The following LURAP1 variants were observed in gnomAD, a reference collection of about 807,000 sequenced individuals.
LURAP1 encodes NF-kappa-B activator C1orf190.
LURAP1 carries 14 observed loss-of-function variants against 19.0 expected under a neutral mutation model. The ratio of observed to expected loss-of-function variants is 0.74; its 90% CI spans 0.49 to 1.15. LURAP1 has a LOEUF of 1.15. Among genes scored for constraint, LURAP1 ranks in the 50% most tolerant of loss-of-function variants. The probability of loss-of-function intolerance (pLI) is 0.00; values close to 1 mark genes in which losing one functional copy is unlikely to be tolerated. For synonymous variants in LURAP1, 129 were observed against 131.8 expected (o/e 0.98, Z 0.14); for missense variants, 273 against 309.1 (o/e 0.88, Z 0.87).
intron 1 of LURAP1, among the ~76,000 whole-genome samples, chr1:46,206,804 C>A (rs1658730774): frequency 6.6e-6 from 1 of 152,166 alleles, no homozygotes; most frequent in Non-Finnish European, 1.5e-5. Flanking sequence ...CTGAATGTGA[C>A]CTCCTTAGCA....
intron 1 of LURAP1, among the ~76,000 whole-genome samples, chr1:46,212,354 C>T (rs1280350532): frequency 1.3e-5 from 2 of 151,256 alleles, no homozygotes; most frequent in Non-Finnish European, 2.9e-5. Context: ...GATCTCAGCT[C>T]ACTGCAAGCT....
chr1:46,212,421 C>T (rs920625409), intron 1 of LURAP1, among the ~76,000 whole-genome samples: 1 of 151,854 alleles, frequency 6.6e-6, no homozygotes, highest in African/African-American at 2.4e-5. Flanking sequence ...GCTGGGACTA[C>T]AGGCGTACAC....
At position 46,219,781 on chromosome 1, in the gene LURAP1, T is replaced by G. The variant is rs770347772; in HGVS notation, c.281T>G (p.Leu94Trp). The G allele has an allele frequency of 2.5e-6, 4 of 1,614,114 alleles. No individual in the cohort carries two copies. The highest frequency in any genetic ancestry group is 1.6e-4 in the Middle Eastern group (1 of 6,062). The part of the protein sequence containing the change: ...NEGIEAVRWL[L>W]EERGTLTSHC... ...GGCATCGAGGCAGTGCGCTGGCTGT[T>G]GGAGGAGCGGGGGACGTTGACCAGT... Residue 94 changes from leucine to tryptophan, a missense_variant, in exon 2 of 2, where the codon TTG becomes TGG. By Grantham distance (61) the Leu-to-Trp change is moderately conservative. Transcript: ENST00000371980.
chr1:46,209,102 GC>G (rs1658812005), intron 1 of LURAP1, among the ~76,000 whole-genome samples: 1 of 151,870 alleles, frequency 6.6e-6, no homozygotes, highest in Non-Finnish European at 1.5e-5. Context: ...TTGGCTCACC[GC>G]AACCTCCGCC....
intron 1 of LURAP1, among the ~76,000 whole-genome samples, chr1:46,212,327 C>T (rs1658922891): frequency 6.6e-6 from 1 of 150,734 alleles, no homozygotes; most frequent in Non-Finnish European, 1.5e-5. Flanking sequence ...GTCATCCAGG[C>T]TGGAGTGCAG....
At chr1:46,212,495 A>C (rs1019587230) in intron 1 of LURAP1, among the ~76,000 whole-genome samples, 8 of 151,752 alleles carry the variant, frequency 5.3e-5, no homozygotes, top group African/African-American at 1.9e-4. Flanking sequence ...GTTAGCCAGG[A>C]TGGTCTTGAT....
intron 1 of LURAP1, among the ~76,000 whole-genome samples, chr1:46,216,818 G>A (rs562888980): frequency 6.6e-6 from 1 of 152,168 alleles, no homozygotes; most frequent in Non-Finnish European, 1.5e-5. Flanking sequence ...ACAGTCCCCA[G>A]TGTCTATCAT....
intron 1 of LURAP1, among the ~76,000 whole-genome samples, chr1:46,204,614 G>T (rs771399400): frequency 8.5e-5 from 13 of 152,190 alleles, no homozygotes; most frequent in Non-Finnish European, 1.9e-4. Flanking sequence ...ACCAGCCAGG[G>T]CTCCGACGCC....
chr1:46,210,972 GT>G (rs1228458747), intron 1 of LURAP1, among the ~76,000 whole-genome samples: 11 of 150,494 alleles, frequency 7.3e-5, no homozygotes, highest in Non-Finnish European at 1.6e-4. Flanking sequence ...TAGAGACAGG[GT>G]TTCCCTGTGT....
At chr1:46,215,378 A>G (rs1420157363) in intron 1 of LURAP1, among the ~76,000 whole-genome samples, 3 of 152,214 alleles carry the variant, frequency 2.0e-5, no homozygotes. Context: ...ATAATTTTAA[A>G]AAATCTCCCA....
At chr1:46,216,174 G>A (rs1006462433) in intron 1 of LURAP1, among the ~76,000 whole-genome samples, 15 of 149,546 alleles carry the variant, frequency 1.0e-4, no homozygotes, top group Non-Finnish European at 2.1e-4. Context: ...AACCTCCCGA[G>A]TAGCTGAGAC....
chr1:46,209,086 G>A lies in LURAP1; in HGVS notation c.198+5462G>A, dbSNP rs569182616. 5.3e-5 allele frequency among the ~76,000 whole-genome samples: 8 copies of A among 151,416 alleles called. No individual in the cohort carries two copies. In the South Asian group the frequency reaches 1.0e-3, roughly 20 times the overall value. ...GTTGCCCAGGCTGGAGTGCAATGGC[G>A]CAATCTTGGCTCACCGCAACCTCCG... On this transcript the variant is annotated intron_variant, in intron 1 of 1. Transcript: ENST00000371980.
At position 46,219,977 on chromosome 1, in the gene LURAP1, G is replaced by A. The variant is rs1446220459; in HGVS notation, c.477G>A (p.Gln159=). The change falls in exon 2 of 2, where the codon CAG becomes CAA. Residue 159 remains glutamine (Q), a synonymous_variant. Transcript: ENST00000371980. ...TGGCCCCCAGCGAGCTGGATGAACA[G>A]GGCCCACCTGGGGCTCCACGTTCCG... ...DTVAPSELDE[Q]GPPGAPRSEM... is the part of the protein sequence containing the mutation. The A allele has an allele frequency of 1.9e-6, 3 of 1,614,262 alleles. No individual in the cohort carries two copies. Among genetic ancestry groups the A allele is most frequent in the Non-Finnish European group, 2.5e-6 (3 of 1,180,044 alleles).
At position 46,220,770 on chromosome 1, in the gene LURAP1, A is replaced by G. The variant is rs1659213197; in HGVS notation, c.*550A>G. ...GATATTGACTCTAAAGGATTGACCT[A>G]TGGCTTTTGGTATTTAGTATCTCTC... On this transcript the variant is annotated 3_prime_UTR_variant, in exon 2 of 2. Transcript: ENST00000371980. 1 of 152,154 alleles carries G rather than the reference A, an allele frequency of 6.6e-6. No homozygotes were observed. Among genetic ancestry groups the G allele is most frequent in the Non-Finnish European group, 1.5e-5 (1 of 68,084 alleles). 9.4% of individuals were successfully genotyped at this position (152,154 alleles called of 1,614,324 possible). A position where few individuals can be genotyped will look rare whatever the true frequency, so the allele number is the denominator to read the frequency against.
chr1:46,208,704 G>A (rs549034893), intron 1 of LURAP1, among the ~76,000 whole-genome samples: 82 of 152,198 alleles, frequency 5.4e-4, no homozygotes, highest in African/African-American at 1.9e-3. Context: ...TTAGCTGGAC[G>A]TGGTGGTGCA....
At chr1:46,214,067 C>T (rs905905542) in intron 1 of LURAP1, among the ~76,000 whole-genome samples, 5 of 152,018 alleles carry the variant, frequency 3.3e-5, no homozygotes, top group Non-Finnish European at 5.9e-5. Context: ...AACTTGAGGC[C>T]GGGCATGGTG....
intron 1 of LURAP1, among the ~76,000 whole-genome samples, chr1:46,207,301 G>A (rs562332314): frequency 2.0e-5 from 3 of 151,998 alleles, no homozygotes; most frequent in African/African-American, 4.8e-5. Flanking sequence ...GGCTGGTTTC[G>A]AAGTCCTGAC....
At chr1:46,214,155 G>C (rs574054967) in intron 1 of LURAP1, among the ~76,000 whole-genome samples, 92 of 152,238 alleles carry the variant, frequency 6.0e-4, no homozygotes, top group African/African-American at 2.2e-3. Context: ...AGACCAGCCT[G>C]GCCAACATGA....
rs749233251 is a variant in LURAP1 at position 46,203,404 on chromosome 1, G to T, written c.-23G>T. 3 of 1,439,270 alleles carry T rather than the reference G, an allele frequency of 2.1e-6. No individual in the cohort carries two copies. Among genetic ancestry groups the T allele is most frequent in the South Asian group, 1.5e-5 (1 of 66,246 alleles). The allele number at this position is 1,439,270 out of a possible 1,614,324, so 89.2% of individuals were successfully genotyped here. A position where few individuals can be genotyped will look rare whatever the true frequency, so the allele number is the denominator to read the frequency against. ...CCGGTCCCCGGCGTCCGGTCGCCCA[G>T]CCCTTTTCAGGCTTGGGCCCGCATG... On this transcript the variant is annotated 5_prime_UTR_variant, in exon 1 of 2. Transcript: ENST00000371980.
Sources: gnomAD v4.1 joint callset for allele counts (sites outside exome capture counted in the v4.1 genomes callset) on GRCh38, gnomAD v4.1.1 for gene constraint, MANE v1.5 for transcripts, NCBI Gene and HGNC (gene_info 2026-07-23, HGNC 2026-07-21) for gene names.